Variants in RNF144A observed in about 807,000 individuals in gnomAD.
The protein encoded by RNF144A is ring finger protein 144A, also known as E3 ubiquitin-protein ligase RNF144A.
In RNF144A, 11 loss-of-function variants were observed where a neutral mutation model predicts 38.7. That is an observed-to-expected ratio of 0.28 (90% confidence interval 0.18 to 0.47). The LOEUF (loss-of-function observed/expected upper bound fraction) is 0.47, where lower values mean the gene tolerates loss of function less well. RNF144A is among the 20% of genes least tolerant of loss of function. RNF144A has a pLI of 0.99. For synonymous variants in RNF144A, 149 were observed against 143.9 expected, an observed-to-expected ratio of 1.04 and a Z score of -0.25; for missense variants, 316 against 377.2, an observed-to-expected ratio of 0.84 and a Z score of 1.34.
chr2:6,994,535 A>C (rs1056841971), intron 2 of RNF144A, among the ~76,000 whole-genome samples: 1 of 152,184 alleles, frequency 6.6e-6, no homozygotes, highest in African/African-American at 2.4e-5. Flanking sequence ...ATAAAATTCA[A>C]GGTGTAGAGA....
rs1438914979 is a variant in RNF144A, at chr2:7,039,701, T to A, written c.820T>A (p.Phe274Ile). ...ASPFLLLATPFVLCCKCKCSK... is the reference protein window; with the variant it reads ...ASPFLLLATPIVLCCKCKCSK... Reference sequence around the variant, plus strand: ...ACCTTTCCTACTCCTGGCCACTCCCTTTGTACTTTGCTGCAAGTGCAAGTG... The same window carrying A: ...ACCTTTCCTACTCCTGGCCACTCCCATTGTACTTTGCTGCAAGTGCAAGTG... Residue 274 changes from phenylalanine to isoleucine, a missense_variant, in exon 9 of 9, where the codon TTT (phenylalanine) becomes ATT (isoleucine). Physicochemically the swap from Phe to Ile is conservative, Grantham distance 21. Coordinates refer to ENST00000320892, the MANE Select transcript of RNF144A (RefSeq NM_014746.6). The A allele has an allele frequency of 3.1e-6, 5 of 1,613,998 alleles. No individual in the cohort carries two copies. Among genetic ancestry groups the A allele is most frequent in the Non-Finnish European group, 4.2e-6 (5 of 1,180,008 alleles).
chr2:6,983,386 G>C (rs2103366220), intron 2 of RNF144A, among the ~76,000 whole-genome samples: 1 of 152,290 alleles, frequency 6.6e-6, no homozygotes, highest in East Asian at 1.9e-4. Flanking sequence ...GTTCTAAAAG[G>C]AGACAGTGCT....
chr2:6,985,648 A>G (rs183897173), intron 2 of RNF144A, among the ~76,000 whole-genome samples: 2 of 152,252 alleles, frequency 1.3e-5, no homozygotes, highest in South Asian at 2.1e-4. Context: ...ATCGGTATCA[A>G]TGGGGTTTTC....
intron 6 of RNF144A, among the ~76,000 whole-genome samples, chr2:7,061,300 C>T (rs1175090543): frequency 6.6e-6 from 1 of 152,198 alleles, no homozygotes; most frequent in South Asian, 2.1e-4. Context: ...TTCTGACTTC[C>T]AATGTCAGCA....
At chr2:7,033,062 C>G (rs1430344593) in intron 8 of RNF144A, among the ~76,000 whole-genome samples, 3 of 152,258 alleles carry the variant, frequency 2.0e-5, no homozygotes. Flanking sequence ...AACCATTGCC[C>G]AACTCTGGCA....
At chr2:7,051,507 G>A (rs1673524770) in intron 6 of RNF144A, among the ~76,000 whole-genome samples, 1 of 152,192 alleles carries the variant, frequency 6.6e-6, no homozygotes, top group South Asian at 2.1e-4. Flanking sequence ...GCCAGGACAT[G>A]AGGTTAGGAA....
chr2:6,953,229 C>A (rs988697200), intron 2 of RNF144A, among the ~76,000 whole-genome samples: 1 of 152,088 alleles, frequency 6.6e-6, no homozygotes, highest in Non-Finnish European at 1.5e-5. Context: ...GAGCTTGAGA[C>A]CAGCCTGGCC....
chr2:7,026,934 A>G (rs1363360640), intron 7 of RNF144A, among the ~76,000 whole-genome samples: 1 of 152,244 alleles, frequency 6.6e-6, no homozygotes, highest in Non-Finnish European at 1.5e-5. Context: ...TACATGAAGA[A>G]AAATGACCCT....
intron 2 of RNF144A, among the ~76,000 whole-genome samples, chr2:6,976,559 A>G (rs531836726): frequency 6.7e-6 from 1 of 149,774 alleles, no homozygotes; most frequent in South Asian, 2.1e-4. Context: ...TTTGAAATTT[A>G]TATATATATG....
chr2:6,919,816 C>A (rs897371839), intron 1 of RNF144A, among the ~76,000 whole-genome samples: 2 of 152,218 alleles, frequency 1.3e-5, no homozygotes, highest in African/African-American at 4.8e-5. Flanking sequence ...CTAATGTCAG[C>A]AACTCTGGAA....
chr2:7,027,660 G>A (rs2280337), intron 7 of RNF144A, among the ~76,000 whole-genome samples: 19,479 of 152,172 alleles, frequency 0.13, 1,990 homozygotes, highest in East Asian at 0.55. Flanking sequence ...CCCTGATTGC[G>A]GCTTCCCGGA....
chr2:7,040,403 T>G lies in RNF144A; in HGVS notation c.*643T>G. On this transcript the variant is annotated 3_prime_UTR_variant, in exon 9 of 9. Coordinates refer to ENST00000320892, the MANE Select transcript of RNF144A (RefSeq NM_014746.6). ...CACTCTTTGTGTTTTTCTTGAAACTTGCTGTAGTAACTTTTTGAACGCTGT... is the reference window on the plus strand; with the variant it reads ...CACTCTTTGTGTTTTTCTTGAAACTGGCTGTAGTAACTTTTTGAACGCTGT... The G allele has an allele frequency of 3.0e-6, 3 of 985,480 alleles. No homozygotes were observed. The highest frequency in any genetic ancestry group is 3.6e-6 in the Non-Finnish European group (3 of 829,956). 61.0% of individuals were successfully genotyped at this position (985,480 alleles called of 1,614,324 possible).
At chr2:7,052,401 A>C (rs546031789) in intron 6 of RNF144A, among the ~76,000 whole-genome samples, 2 of 152,296 alleles carry the variant, frequency 1.3e-5, no homozygotes, top group Admixed American at 6.5e-5. Context: ...CCTAAGTCTC[A>C]GTTAAGTTCA....
intron 3 of RNF144A, among the ~76,000 whole-genome samples, chr2:7,006,455 G>T (rs1434489117): frequency 2.0e-5 from 3 of 151,968 alleles, no homozygotes; most frequent in African/African-American, 7.3e-5. Context: ...CTGTGTTTTG[G>T]GAAGGGACAC....
At chr2:6,942,922 C>A (rs1020405537) in intron 2 of RNF144A, among the ~76,000 whole-genome samples, 8 of 152,176 alleles carry the variant, frequency 5.3e-5, no homozygotes, top group East Asian at 1.9e-4. Flanking sequence ...AGGCGGAGGT[C>A]GCAGTGAGCT....
chr2:7,015,733 G>A (rs11885735), intron 5 of RNF144A, among the ~76,000 whole-genome samples: 44,123 of 151,974 alleles, frequency 0.29, 6,732 homozygotes, highest in Non-Finnish European at 0.33. Flanking sequence ...GTGTGCAGGC[G>A]ACACTCCATA....
intron 2 of RNF144A, among the ~76,000 whole-genome samples, chr2:6,993,852 A>G (rs926661320): frequency 3.3e-5 from 5 of 152,290 alleles, no homozygotes; most frequent in Admixed American, 2.0e-4. Flanking sequence ...CTGACATATC[A>G]TAATGACTTC....
chr2:6,918,248 CG>C (rs1159951146), intron 1 of RNF144A: 1 of 152,500 alleles, frequency 6.6e-6, no homozygotes, highest in Non-Finnish European at 1.5e-5. Flanking sequence ...AATGAGCCGC[CG>C]CCCGAGCCCC....
chr2:6,942,810 C>A (rs1374315428), intron 2 of RNF144A, among the ~76,000 whole-genome samples: 1 of 152,152 alleles, frequency 6.6e-6, no homozygotes, highest in South Asian at 2.1e-4. Context: ...ATGGCAAAAC[C>A]CCATCTCTAC....
Sources: allele counts gnomAD v4.1 joint callset (sites outside exome capture counted in the v4.1 genomes callset), GRCh38; gene constraint gnomAD v4.1.1; transcripts MANE v1.5; gene names NCBI Gene and HGNC (gene_info 2026-07-23, HGNC 2026-07-21).